The following EMILIN2 variants were observed in gnomAD, a reference collection of about 807,000 sequenced individuals.
EMILIN2 encodes the protein EMILIN-2.
A neutral mutation model predicts 87.1 loss-of-function variants in EMILIN2; 71 were observed. The observed-to-expected ratio is 0.82, with a 90% CI of 0.67 to 0.99. The LOEUF (loss-of-function observed/expected upper bound fraction) is 0.99, where lower values mean the gene tolerates loss of function less well. Ranked by LOEUF, EMILIN2 falls within the 50% of genes least tolerant of loss-of-function variation. The pLI, the probability that EMILIN2 is intolerant of heterozygous loss-of-function variation, is 0.00. For synonymous variants in EMILIN2, 581 were observed against 563.4 expected (o/e 1.03, Z -0.44); for missense variants, 1,407 against 1,371.8 (o/e 1.03, Z -0.40).
intron 2 of EMILIN2, among the ~76,000 whole-genome samples, chr18:2,884,024 C>G (rs1244206766): frequency 6.6e-6 from 1 of 152,076 alleles, no homozygotes; most frequent in Non-Finnish European, 1.5e-5. Flanking sequence ...GGCGCGATCT[C>G]GGCTCACTGC....
Position 2,914,749 on chromosome 18 carries a change from T to C in EMILIN2, c.*1345T>C, listed in dbSNP as rs2076958066. On this transcript the variant is annotated 3_prime_UTR_variant, in exon 8 of 8. Transcript: ENST00000254528. ...TTTAAGAATTGTTTGCAAATGAATT[T>C]ACAGGGTGGCCACTGGACACTTCAG... is the stretch of plus-strand genomic sequence containing the variant. 2 of 146,270 alleles carry C rather than the reference T, an allele frequency of 1.4e-5. No individual in the cohort carries two copies. Among genetic ancestry groups the C allele is most frequent in the South Asian group, 4.5e-4 (2 of 4,398 alleles). 9.1% of individuals were successfully genotyped at this position (146,270 alleles called of 1,614,324 possible).
intron 7 of EMILIN2, among the ~76,000 whole-genome samples, chr18:2,912,391 CTTG>C (rs1213300227): frequency 5.3e-5 from 8 of 152,166 alleles, no homozygotes; most frequent in African/African-American, 1.2e-4. Context: ...CCACTCTTGG[CTTG>C]TTGTCAGCGG....
At chr18:2,861,982 T>C (rs1363842420) in intron 2 of EMILIN2, among the ~76,000 whole-genome samples, 1 of 152,218 alleles carries the variant, frequency 6.6e-6, no homozygotes, top group East Asian at 1.9e-4. Flanking sequence ...GGTATTTTAT[T>C]CTCTTTGAAG....
Position 2,914,721 on chromosome 18 carries a change from T to G in EMILIN2, c.*1317T>G, listed in dbSNP as rs1177214919. ...AGATGCTCTTATGCTGTAAAAAAAA[T>G]GCTTTAAGAATTGTTTGCAAATGAA... is the stretch of plus-strand genomic sequence containing the variant. On this transcript the variant is annotated 3_prime_UTR_variant, in exon 8 of 8. Coordinates refer to ENST00000254528, the MANE Select transcript of EMILIN2 (RefSeq NM_032048.3). 1 of 151,834 alleles carries G rather than the reference T, an allele frequency of 6.6e-6. No individual in the cohort carries two copies. Among genetic ancestry groups the G allele is most frequent in the East Asian group, 1.9e-4 (1 of 5,164 alleles). 9.4% of individuals were successfully genotyped at this position (151,834 alleles called of 1,614,324 possible).
At chr18:2,907,538 G>C (rs906174149) in intron 5 of EMILIN2, among the ~76,000 whole-genome samples, 1 of 152,218 alleles carries the variant, frequency 6.6e-6, no homozygotes, top group Non-Finnish European at 1.5e-5. Flanking sequence ...AATGAGGAGA[G>C]TGCAGGACCT....
chr18:2,899,545 C>T (rs2076879067), intron 4 of EMILIN2, among the ~76,000 whole-genome samples: 1 of 151,746 alleles, frequency 6.6e-6, no homozygotes, highest in African/African-American at 2.4e-5. Flanking sequence ...TGCTCTGTCA[C>T]CCAGGCTGGA....
intron 2 of EMILIN2, among the ~76,000 whole-genome samples, chr18:2,878,932 A>G (rs535896531): frequency 6.6e-6 from 1 of 152,290 alleles, no homozygotes; most frequent in East Asian, 1.9e-4. Context: ...CCAAGGGGGC[A>G]ACGGGTTTTG....
At chr18:2,864,597 GA>G (rs1226302029) in intron 2 of EMILIN2, among the ~76,000 whole-genome samples, 5 of 152,200 alleles carry the variant, frequency 3.3e-5, no homozygotes, top group Admixed American at 3.3e-4. Context: ...CTATTAGTCT[GA>G]TGGGCTTCCC....
chr18:2,889,207 G>C (rs1317801606), intron 3 of EMILIN2, among the ~76,000 whole-genome samples: 1 of 137,350 alleles, frequency 7.3e-6, no homozygotes, highest in Non-Finnish European at 1.5e-5. Context: ...GCACTATGTC[G>C]GCTCACTGCA....
At position 2,913,122 on chromosome 18, in the gene EMILIN2, C is replaced by A; in HGVS notation, c.2880C>A (p.Pro960=). 1 of 1,613,550 alleles carries A rather than the reference C, an allele frequency of 6.2e-7. No homozygotes were observed. Among genetic ancestry groups the A allele is most frequent in the Non-Finnish European group, 8.5e-7 (1 of 1,180,042 alleles). ...ACCTGATCACGGCCACCCTCACCCCCGAGAGAGACGCCTACGTGGAAGCAG... is the reference window on the plus strand; with the variant it reads ...ACCTGATCACGGCCACCCTCACCCCAGAGAGAGACGCCTACGTGGAAGCAG... ...GRYLITATLT[P]ERDAYVEAVL... Residue 960 remains proline (P), a synonymous_variant, in exon 8 of 8, where the codon CCC becomes CCA. Coordinates refer to ENST00000254528, the MANE Select transcript of EMILIN2 (RefSeq NM_032048.3).
At chr18:2,860,282 A>C (rs558985954) in intron 2 of EMILIN2, among the ~76,000 whole-genome samples, 1 of 152,102 alleles carries the variant, frequency 6.6e-6, no homozygotes, top group African/African-American at 2.4e-5. Flanking sequence ...ACATGTGCAC[A>C]ATGTGTAGGT....
At chr18:2,883,700 C>T (rs2144022581) in intron 2 of EMILIN2, among the ~76,000 whole-genome samples, 1 of 152,346 alleles carries the variant, frequency 6.6e-6, no homozygotes, top group East Asian at 1.9e-4. Context: ...CAGCTCACTG[C>T]AAAGCTCTCT....
At chr18:2,873,831 G>A (rs1221255128) in intron 2 of EMILIN2, among the ~76,000 whole-genome samples, 4 of 152,194 alleles carry the variant, frequency 2.6e-5, no homozygotes, top group Non-Finnish European at 5.9e-5. Flanking sequence ...TACAGGAGTT[G>A]TAGCAGCCCC....
chr18:2,856,954 T>C (rs1400999323), intron 2 of EMILIN2, among the ~76,000 whole-genome samples: 1 of 152,192 alleles, frequency 6.6e-6, no homozygotes, highest in Non-Finnish European at 1.5e-5. Flanking sequence ...CTTCTTTCCT[T>C]CCTGTTTTAA....
chr18:2,858,817 G>A (rs1324134287), intron 2 of EMILIN2, among the ~76,000 whole-genome samples: 2 of 150,702 alleles, frequency 1.3e-5, no homozygotes, highest in African/African-American at 4.9e-5. Flanking sequence ...TGTATTTTTA[G>A]TTGAGACGGG....
intron 2 of EMILIN2, among the ~76,000 whole-genome samples, chr18:2,873,632 G>A (rs470598): frequency 0.68 from 101,807 of 150,570 alleles, 34,729 homozygotes; most frequent in East Asian, 0.81. Context: ...GCGTGAACCC[G>A]GGAGGCGGAG....
At chr18:2,883,317 T>G (rs1426254520) in intron 2 of EMILIN2, among the ~76,000 whole-genome samples, 1 of 152,182 alleles carries the variant, frequency 6.6e-6, no homozygotes, top group Admixed American at 6.5e-5. Flanking sequence ...GGGAGGGAGT[T>G]GCTTTGCTGG....
At chr18:2,897,992 G>T (rs1378777970) in intron 4 of EMILIN2, among the ~76,000 whole-genome samples, 1 of 152,116 alleles carries the variant, frequency 6.6e-6, no homozygotes, top group East Asian at 1.9e-4. Context: ...ATGGAAAGGA[G>T]GCTCGAGGCC....
intron 2 of EMILIN2, among the ~76,000 whole-genome samples, chr18:2,882,845 T>G (rs950919464): frequency 2.6e-5 from 4 of 151,538 alleles, no homozygotes; most frequent in Non-Finnish European, 5.9e-5. Context: ...ATCGCGCCAT[T>G]GTACTCCAGC....
Sources: allele counts gnomAD v4.1 joint callset (sites outside exome capture counted in the v4.1 genomes callset), GRCh38; gene constraint gnomAD v4.1.1; transcripts MANE v1.5; gene names NCBI Gene and HGNC (gene_info 2026-07-23, HGNC 2026-07-21).